The following GFRAL variants were observed in gnomAD, a reference collection of about 807,000 sequenced individuals.
GFRAL encodes GDNF family receptor alpha like, also known as GDNF family receptor alpha-like.
GFRAL carries 36 observed loss-of-function variants against 45.4 expected under a neutral mutation model. That is an observed-to-expected ratio of 0.79 (90% CI 0.61 to 1.05). The LOEUF is 1.05. GFRAL is among the 50% of genes least tolerant of loss of function. The probability of loss-of-function intolerance (pLI) is 0.00; values close to 1 mark genes in which losing one functional copy is unlikely to be tolerated. For synonymous variants in GFRAL, 166 were observed against 154.1 expected (o/e 1.08, Z -0.57); for missense variants, 507 against 467.5 (o/e 1.08, Z -0.78).
chr6:55,381,507 G>A (rs1258578749), intron 6 of GFRAL, among the ~76,000 whole-genome samples: 1 of 151,822 alleles, frequency 6.6e-6, no homozygotes, highest in Non-Finnish European at 1.5e-5. Flanking sequence ...TCCCAGTGAA[G>A]GTCTGGGTTT....
At chr6:55,381,956 T>G (rs1269054991) in intron 6 of GFRAL, among the ~76,000 whole-genome samples, 1 of 151,934 alleles carries the variant, frequency 6.6e-6, no homozygotes, top group East Asian at 1.9e-4. Flanking sequence ...ATGTTAAGTT[T>G]TGGCTTTAAA....
intron 6 of GFRAL, among the ~76,000 whole-genome samples, chr6:55,384,681 GT>G (rs1225313517): frequency 2.0e-5 from 3 of 152,034 alleles, no homozygotes; most frequent in African/African-American, 7.2e-5. Context: ...GCTGGATAAG[GT>G]TAGTTGTTTA....
At chr6:55,364,524 C>T (rs1485697007) in intron 6 of GFRAL, among the ~76,000 whole-genome samples, 4 of 144,860 alleles carry the variant, frequency 2.8e-5, no homozygotes, top group South Asian at 4.3e-4. Context: ...ATGCCTATGT[C>T]CTGAATGGTA....
intron 5 of GFRAL, among the ~76,000 whole-genome samples, 173 bp downstream of exon 5, chr6:55,351,756 A>G (rs2127355428): frequency 1.3e-5 from 2 of 152,242 alleles, no homozygotes. Flanking sequence ...ATGCAGTATC[A>G]TCTGAAATTC....
At chr6:55,331,578 T>A in intron 1 of GFRAL, 137 bp from the exon 2 acceptor site, 1 of 637,306 alleles carries the variant, frequency 1.6e-6, no homozygotes. Flanking sequence ...GAGAGGAGGT[T>A]AAGGTTATTC....
chr6:55,338,798 T>C (rs1022534575), intron 3 of GFRAL, among the ~76,000 whole-genome samples: 4 of 152,166 alleles, frequency 2.6e-5, no homozygotes, highest in Non-Finnish European at 5.9e-5. Context: ...TGGAAAAGTA[T>C]TTAACACTGG....
chr6:55,385,720 A>G (rs1768673271), intron 6 of GFRAL, among the ~76,000 whole-genome samples: 1 of 152,128 alleles, frequency 6.6e-6, no homozygotes, highest in African/African-American at 2.4e-5. Context: ...CAGGAATATA[A>G]TAAGAGACTA....
chr6:55,353,897 T>A (rs531793408), intron 5 of GFRAL, among the ~76,000 whole-genome samples: 3 of 152,150 alleles, frequency 2.0e-5, no homozygotes, highest in Admixed American at 2.0e-4. Context: ...TCACCTCAAA[T>A]GAACTAAAAC....
At chr6:55,363,448 T>A (rs943095184) in intron 6 of GFRAL, among the ~76,000 whole-genome samples, 3 of 140,194 alleles carry the variant, frequency 2.1e-5, no homozygotes, top group Non-Finnish European at 4.7e-5. Flanking sequence ...TTTTTTTTTT[T>A]AATTATACTT....
chr6:55,358,759 A>G, intron 5 of GFRAL, 129 bp from the exon 6 acceptor site: 2 of 754,620 alleles, frequency 2.7e-6, no homozygotes, highest in Non-Finnish European at 2.1e-6. Context: ...TCACAAATTT[A>G]CTTTTCAACT....
chr6:55,332,756 T>C (rs1023820467), intron 2 of GFRAL, among the ~76,000 whole-genome samples: 1 of 152,138 alleles, frequency 6.6e-6, no homozygotes, highest in African/African-American at 2.4e-5. Context: ...ATATATATTT[T>C]GAATATTCAA....
rs1246172769 is a variant in GFRAL at position 55,401,961 on chromosome 6, T to A, written c.*108T>A. 3.1e-6 allele frequency: 2 copies of A among 642,634 alleles called. No homozygotes were observed. Among genetic ancestry groups the A allele is most frequent in the Non-Finnish European group, 5.3e-6 (2 of 373,848 alleles). The allele number at this position is 642,634 out of a possible 1,614,324, so 39.8% of individuals were successfully genotyped here. A position where few individuals can be genotyped will look rare whatever the true frequency, so the allele number is the denominator to read the frequency against. ...TCTCTTCTCCTCTCCTCCCCTCCCC[T>A]CTCTGTTTCTTTTTCTTTTTCTTTT... On this transcript the variant is annotated 3_prime_UTR_variant, in exon 9 of 9. Coordinates refer to ENST00000340465, the MANE Select transcript of GFRAL (RefSeq NM_207410.2).
Position 55,353,491 on chromosome 6 carries a change from A to C in GFRAL, c.701+1908A>C, listed in dbSNP as rs556288279. ...ATATTTCGTCAACTTATAGGATATC[A>C]AGGTTCTTAAAATTGTATTCAAGAA... On this transcript the variant is annotated intron_variant, in intron 5 of 8. Transcript: ENST00000340465. Among the ~76,000 whole-genome samples, 3 of 152,168 alleles carry C rather than the reference A, an allele frequency of 2.0e-5. No individual in the cohort carries two copies. In the South Asian group the frequency reaches 6.2e-4, roughly 31 times the overall value.
intron 6 of GFRAL, among the ~76,000 whole-genome samples, chr6:55,368,702 T>G (rs9464239): frequency 1.3e-5 from 2 of 151,910 alleles, no homozygotes; most frequent in African/African-American, 4.8e-5. Context: ...TACCCTGCCC[T>G]GTGAGGTGTC....
chr6:55,368,716 C>G (rs551061084), intron 6 of GFRAL, among the ~76,000 whole-genome samples: 63 of 152,292 alleles, frequency 4.1e-4, no homozygotes, highest in African/African-American at 6.5e-4. Context: ...AGGTGTCAGT[C>G]TGCCCCTGCT....
rs1768913428 is a variant in GFRAL at position 55,402,491 on chromosome 6, G to A, written c.*638G>A. ...GAACAGAAATAAAGTTTCCCTTGAA[G>A]GCAAAAAGTGTTATCCCAAGTCACA... On this transcript the variant is annotated 3_prime_UTR_variant, in exon 9 of 9. Transcript: ENST00000340465. 6.6e-6 allele frequency: 1 copy of A among 152,084 alleles called. No individual in the cohort carries two copies. Among genetic ancestry groups the A allele is most frequent in the Admixed American group, 6.5e-5 (1 of 15,280 alleles). The allele number at this position is 152,084 out of a possible 1,614,324, so 9.4% of individuals were successfully genotyped here.
rs780724271 is a variant in GFRAL at position 55,399,147 on chromosome 6, G to A, written c.953-33G>A. ...ATAAAATTAAAATAATGTATGATAT[G>A]TAACTAATCTCATTTTTATGATTTT... On this transcript the variant is annotated intron_variant, in intron 6 of 8. Transcript: ENST00000340465. 4 of 1,150,766 alleles carry A rather than the reference G, an allele frequency of 3.5e-6. No homozygotes were observed. The African/African-American group carries it at 4.7e-5, about 14-fold the overall frequency. The allele number at this position is 1,150,766 out of a possible 1,614,324, so 71.3% of individuals were successfully genotyped here. A position where few individuals can be genotyped will look rare whatever the true frequency, so the allele number is the denominator to read the frequency against.
chr6:55,376,566 G>C (rs1768537634), intron 6 of GFRAL, among the ~76,000 whole-genome samples: 1 of 151,962 alleles, frequency 6.6e-6, no homozygotes, highest in African/African-American at 2.4e-5. Context: ...TCCTGGTTCA[G>C]TCTCGGGAGG....
intron 3 of GFRAL, among the ~76,000 whole-genome samples, chr6:55,344,740 A>G (rs369658052): frequency 0.013 from 1,982 of 152,194 alleles, 22 homozygotes; most frequent in Non-Finnish European, 0.022. Flanking sequence ...AGGAAAAGAG[A>G]AAGTCAAATT....
Sources: gnomAD v4.1 joint callset for allele counts (sites outside exome capture counted in the v4.1 genomes callset) on GRCh38, gnomAD v4.1.1 for gene constraint, MANE v1.5 for transcripts, NCBI Gene and HGNC (gene_info 2026-07-23, HGNC 2026-07-21) for gene names.